Variants in DALRD3 observed in about 807,000 individuals in gnomAD.
DALRD3 encodes the protein DALR anticodon binding domain containing 3, also known as DALR anticodon-binding domain-containing protein 3.
In DALRD3, 47 loss-of-function variants were observed where a neutral mutation model predicts 56.7. That is an observed-to-expected ratio of 0.83 (90% confidence interval 0.66 to 1.06). The LOEUF is 1.06. DALRD3 is among the 50% of genes least tolerant of loss of function. DALRD3 has a pLI of 0.00. For synonymous variants in DALRD3, 347 were observed against 308.5 expected, an observed-to-expected ratio of 1.12 and a Z score of -1.31; for missense variants, 787 against 724.0, an observed-to-expected ratio of 1.09 and a Z score of -1.00.
intron 6 of DALRD3, 40 bp downstream of exon 6, chr3:49,016,734 T>A (rs2093081142): frequency 6.2e-7 from 1 of 1,613,886 alleles, no homozygotes; most frequent in Non-Finnish European, 8.5e-7. Flanking sequence ...CCCCCCTCAT[T>A]ACCCTGGCTT....
upstream of DALRD3, chr3:49,020,987 C>T (rs1392150824): frequency 1.2e-5 from 2 of 168,076 alleles, no homozygotes; most frequent in South Asian, 1.0e-4. Context: ...GTGGGGCGGG[C>T]TTCGGAATCC....
At position 49,018,291 on chromosome 3, in the gene DALRD3, C is replaced by G. The variant is rs2093115435; in HGVS notation, c.193G>C (p.Ala65Pro). 1 of 1,453,758 alleles carries G rather than the reference C, an allele frequency of 6.9e-7. No individual in the cohort carries two copies. Among genetic ancestry groups the G allele is most frequent in the East Asian group, 2.6e-5 (1 of 37,920 alleles). 90.1% of individuals were successfully genotyped at this position (1,453,758 alleles called of 1,614,324 possible). ...GCCACACCGGGGCCCTGCAGGCAGG[C>G]GAGGGCATGGAGCAAATGCTCCGGA... Reference protein sequence around the residue: ...QVPEHLLHALACLQGPGVAPV... With the variant: ...QVPEHLLHALPCLQGPGVAPV... The change falls in exon 2 of 12, where the codon GCC becomes CCC. Residue 65 changes from alanine to proline, a missense_variant. Coordinates refer to ENST00000341949, the MANE Select transcript of DALRD3 (RefSeq NM_001009996.3).
At chr3:49,015,899 C>G (rs2093059141) in intron 10 of DALRD3, 27 bp from the exon 11 acceptor site, 1 of 1,614,020 alleles carries the variant, frequency 6.2e-7, no homozygotes, top group Admixed American at 1.7e-5. Context: ...AGTCACTGGC[C>G]CATCTCTTTG....
At chr3:49,020,775 C>T (rs2093148860), upstream of DALRD3, 2 of 419,082 alleles carry the variant, frequency 4.8e-6, no homozygotes, top group African/African-American at 2.1e-5. Context: ...AGAACCCGCC[C>T]ATCCCCAGTC....
chr3:49,017,768 G>C lies in DALRD3; in HGVS notation c.563C>G (p.Ser188Cys). Residue 188 changes from serine (S) to cysteine (C), a missense_variant, in exon 3 of 12, where the codon TCC becomes TGC. Physicochemically the swap from Ser to Cys is moderately radical, Grantham distance 112 (BLOSUM62 -1). Coordinates refer to ENST00000341949, the MANE Select transcript of DALRD3 (RefSeq NM_001009996.3). ...DWPAASERAS[S>C]HTLRSHALEE... ...AAGGGCGTGGCTCCTCAGGGTGTGGGAGGAAGCTCTCTCCGAGGCAGCGGG... is the reference window on the plus strand; with the variant it reads ...AAGGGCGTGGCTCCTCAGGGTGTGGCAGGAAGCTCTCTCCGAGGCAGCGGG... The C allele has an allele frequency of 6.2e-7, 1 of 1,613,758 alleles. No individual in the cohort carries two copies. The highest frequency in any genetic ancestry group is 8.5e-7 in the Non-Finnish European group (1 of 1,180,008).
In DALRD3 at chr3:49,017,793, G is replaced by C. The variant is rs1440867390; in HGVS notation, c.538C>G (p.Pro180Ala). The change falls in exon 3 of 12, where the codon CCC (proline) becomes GCC (alanine). Residue 180 changes from proline (P) to alanine (A), a missense_variant. Pro to Ala is a conservative substitution (Grantham distance 27). Coordinates refer to ENST00000341949, the MANE Select transcript of DALRD3 (RefSeq NM_001009996.3). The stretch of plus-strand genomic sequence containing the variant: ...GAGGAAGCTCTCTCCGAGGCAGCGG[G>C]CCAGTCCACCCGCAGTTGCTGCAGG... ...TFLQQLRVDW[P>A]AASERASSHT... The C allele has an allele frequency of 5.0e-6, 8 of 1,613,298 alleles. No individual in the cohort carries two copies. Among genetic ancestry groups the C allele is most frequent in the Non-Finnish European group, 6.8e-6 (8 of 1,180,012 alleles).
upstream of DALRD3, chr3:49,018,708 G>T (rs1439478293): frequency 7.1e-7 from 1 of 1,400,492 alleles, no homozygotes; most frequent in African/African-American, 1.5e-5. Context: ...GGCTGCTTTC[G>T]ACCTACCGCC....
At position 49,018,265 on chromosome 3, in the gene DALRD3, G is replaced by T. The variant is rs1052746715; in HGVS notation, c.219C>A (p.Ala73=). The part of the protein sequence containing the change: ...ALACLQGPGV[A]PVLRCAPTPA... ...GGGTCGGCGCGCAGCGCAGCACCGG[G>T]GCCACACCGGGGCCCTGCAGGCAGG... The change falls in exon 2 of 12, where the codon GCC becomes GCA. Residue 73 remains alanine, a synonymous_variant. Transcript: ENST00000341949. 1 of 1,443,158 alleles carries T rather than the reference G, an allele frequency of 6.9e-7. No homozygotes were observed. The highest frequency in any genetic ancestry group is 9.0e-7 in the Non-Finnish European group (1 of 1,106,842). The allele number at this position is 1,443,158 out of a possible 1,614,324, so 89.4% of individuals were successfully genotyped here.
At position 49,017,423 on chromosome 3, in the gene DALRD3, G is replaced by A. The variant is rs1416794301; in HGVS notation, c.798+11C>T. ...GGTTTGGGAGAACCTACAGGGCTGG[G>A]AGTCACTAACCAGGCCTGGGTGGCT... On this transcript the variant is annotated intron_variant, in intron 4 of 11. Coordinates refer to ENST00000341949, the MANE Select transcript of DALRD3 (RefSeq NM_001009996.3). 2.5e-6 allele frequency: 4 copies of A among 1,614,020 alleles called. No homozygotes were observed. The highest frequency in any genetic ancestry group is 3.4e-6 in the Non-Finnish European group (4 of 1,180,036).
chr3:49,018,286 G>A lies in DALRD3; in HGVS notation c.198C>T (p.Cys66=). 6.9e-7 allele frequency: 1 copy of A among 1,449,674 alleles called. No individual in the cohort carries two copies. The highest frequency in any genetic ancestry group is 1.5e-5 in the South Asian group (1 of 68,808). The allele number at this position is 1,449,674 out of a possible 1,614,324, so 89.8% of individuals were successfully genotyped here. A position where few individuals can be genotyped will look rare whatever the true frequency, so the allele number is the denominator to read the frequency against. Residue 66 remains cysteine (C), a synonymous_variant, in exon 2 of 12, where the codon TGC becomes TGT. Coordinates refer to ENST00000341949, the MANE Select transcript of DALRD3 (RefSeq NM_001009996.3). ...CCGGGGCCACACCGGGGCCCTGCAG[G>A]CAGGCGAGGGCATGGAGCAAATGCT... ...VPEHLLHALA[C]LQGPGVAPVL...
rs753020281 is a variant in DALRD3, at chr3:49,015,647, G to A, written c.1573C>T (p.Arg525Cys). 38 of 1,614,024 alleles carry A rather than the reference G, an allele frequency of 2.4e-5. 2 individuals carry two copies. The South Asian group carries it at 3.1e-4, about 13-fold the overall frequency. Residue 525 changes from arginine (R) to cysteine (C), a missense_variant, in exon 12 of 12, where the codon CGT becomes TGT. Coordinates refer to ENST00000341949, the MANE Select transcript of DALRD3 (RefSeq NM_001009996.3). ...GCCAGGCCAGTATGGAGCACCTCAC[G>A]CACAGCTCTCAGAAGCTGCAGGCGG... ...FVRLQLLRAV[R>C]EVLHTGLAML... is the part of the protein sequence containing the mutation.
upstream of DALRD3, chr3:49,020,735 C>G (rs761085876): frequency 3.0e-5 from 14 of 467,362 alleles, no homozygotes; most frequent in African/African-American, 2.4e-4. Context: ...GGAGCTCCTG[C>G]CCCCAGGTCA....
Position 49,018,421 on chromosome 3 carries a change from C to T in DALRD3, c.144G>A (p.Gln48=), listed in dbSNP as rs2093118102. Residue 48 remains glutamine (Q), a synonymous_variant, in exon 1 of 12, where the codon CAG becomes CAA. Coordinates refer to ENST00000341949, the MANE Select transcript of DALRD3 (RefSeq NM_001009996.3). ...RDFLAPHRAL[Q]ARFDDGQVPE... ...CCACCTGGCCGTCATCGAAGCGCGC[C>T]TGCAGCGCGCGGTGCGGTGCCAGAA... The T allele has an allele frequency of 6.3e-7, 1 of 1,578,694 alleles. No individual in the cohort carries two copies. Among genetic ancestry groups the T allele is most frequent in the African/African-American group, 1.4e-5 (1 of 74,038 alleles).
chr3:49,017,150 GCCC>G, intron 5 of DALRD3, 75 bp downstream of exon 5: 1 of 1,591,954 alleles, frequency 6.3e-7, no homozygotes, highest in Non-Finnish European at 8.6e-7. Context: ...CAGCTAACAA[GCCC>G]CTCGGTGGGT....
chr3:49,020,345 C>T (rs1559910114), upstream of DALRD3: 1 of 451,152 alleles, frequency 2.2e-6, no homozygotes, highest in Non-Finnish European at 4.7e-6. Context: ...GGTGGTTTTT[C>T]CCCAGGAAGT....
chr3:49,016,922 G>A, intron 5 of DALRD3, 75 bp from the exon 6 acceptor site: 1 of 1,547,708 alleles, frequency 6.5e-7, no homozygotes, highest in Admixed American at 1.7e-5. Flanking sequence ...CCCAAATCTG[G>A]TGCCTCTACT....
rs755446313 is a variant in DALRD3, at chr3:49,017,427, C to T, written c.798+7G>A. 6.2e-7 allele frequency: 1 copy of T among 1,614,106 alleles called. No homozygotes were observed. The highest frequency in any genetic ancestry group is 1.1e-5 in the South Asian group (1 of 91,068). On this transcript the variant is annotated splice_region_variant and intron_variant, in intron 4 of 11. Coordinates refer to ENST00000341949, the MANE Select transcript of DALRD3 (RefSeq NM_001009996.3). ...TGGGAGAACCTACAGGGCTGGGAGT[C>T]ACTAACCAGGCCTGGGTGGCTGTCC...
intron 5 of DALRD3, 170 bp downstream of exon 5, chr3:49,017,058 C>A (rs2093091122): frequency 1.3e-5 from 13 of 1,005,894 alleles, no homozygotes; most frequent in Non-Finnish European, 1.9e-5. Flanking sequence ...TCTACAGACC[C>A]CCCTTCCCCA....
chr3:49,018,677 T>A, upstream of DALRD3: 1 of 1,427,076 alleles, frequency 7.0e-7, no homozygotes, highest in Non-Finnish European at 9.1e-7. Flanking sequence ...AGTGGACAGG[T>A]GCGCCAGTGG....
Sources: gnomAD v4.1 joint callset for allele counts on GRCh38, gnomAD v4.1.1 for gene constraint, MANE v1.5 for transcripts, NCBI Gene and HGNC (gene_info 2026-07-23, HGNC 2026-07-21) for gene names.